Variants in CNIH3 observed in about 807,000 individuals in gnomAD.
CNIH3 encodes the protein cornichon family AMPA receptor auxiliary protein 3.
A neutral mutation model predicts 24.1 loss-of-function variants in CNIH3; 14 were observed. That is an observed-to-expected ratio of 0.58 (90% CI 0.38 to 0.91). The LOEUF (loss-of-function observed/expected upper bound fraction) is 0.91, where lower values mean the gene tolerates loss of function less well. Ranked by LOEUF, CNIH3 falls within the 40% of genes least tolerant of loss-of-function variation. The pLI, the probability that CNIH3 is intolerant of heterozygous loss-of-function variation, is 0.00. For synonymous variants in CNIH3, 68 were observed against 73.8 expected (o/e 0.92, Z 0.40); for missense variants, 178 against 196.8 (o/e 0.90, Z 0.57).
intron 1 of CNIH3, among the ~76,000 whole-genome samples, chr1:224,460,251 T>C (rs528548302): frequency 1.3e-5 from 2 of 152,252 alleles, no homozygotes; most frequent in South Asian, 2.1e-4. Context: ...ATAATTGATA[T>C]ACAATACACT....
chr1:224,576,641 T>C (rs983821024), intron 4 of CNIH3, among the ~76,000 whole-genome samples: 2 of 152,224 alleles, frequency 1.3e-5, no homozygotes, highest in Non-Finnish European at 2.9e-5. Context: ...AACTGAGCCG[T>C]GTAGTATACT....
intron 1 of CNIH3, among the ~76,000 whole-genome samples, chr1:224,495,269 T>C (rs1482458947): frequency 2.0e-5 from 3 of 152,200 alleles, no homozygotes; most frequent in Non-Finnish European, 4.4e-5. Flanking sequence ...TGCCAAGGTA[T>C]TGTCCTTCCT....
At chr1:224,485,014 A>G (rs1572341382) in intron 1 of CNIH3, among the ~76,000 whole-genome samples, 2 of 152,152 alleles carry the variant, frequency 1.3e-5, no homozygotes, top group East Asian at 1.9e-4. Context: ...CTTGGTATCT[A>G]TCTTTGATTG....
chr1:224,676,360 C>CG (rs1003605747), intron 1 of CNIH3, among the ~76,000 whole-genome samples: 21 of 151,220 alleles, frequency 1.4e-4, no homozygotes, highest in African/African-American at 3.2e-4. Flanking sequence ...TGAGACATGG[C>CG]GGGGGGGTGT....
In CNIH3 at chr1:224,505,032, C is replaced by CCCTTCCTCCCTCCCTCCCTTCCTT. The variant is rs1677847926; in HGVS notation, n.204-10702_204-10701insCCCTCCCTCCCTTCCTTCCTTCCT. On this transcript the variant is annotated intron_variant and non_coding_transcript_variant, in intron 1 of 5. Transcript: ENST00000471578. ...TCCCTCCCTCCCTCCCTCCCTCCCT[C>CCCTTCCTCCCTCCCTCCCTTCCTT]CCTTCCTTCCTTCCTTCCTTCCTTC... Among the ~76,000 whole-genome samples the CCCTTCCTCCCTCCCTCCCTTCCTT allele has an allele frequency of 1.9e-3, 89 of 45,880 alleles. 2 individuals carry two copies. The highest frequency in any genetic ancestry group is 8.4e-3 in the African/African-American group (82 of 9,718). The allele number at this position is 45,880 out of a possible 152,430, so 30.1% of individuals were successfully genotyped here.
At chr1:224,614,975 A>ATAAATAAG (rs1553275072), upstream of CNIH3, among the ~76,000 whole-genome samples, 35 of 136,832 alleles carry the variant, frequency 2.6e-4, no homozygotes, top group Admixed American at 4.4e-4. Context: ...AAATAAATAA[A>ATAAATAAG]TAAGTAAAAG....
intron 3 of CNIH3, among the ~76,000 whole-genome samples, chr1:224,721,435 T>C (rs181100826): frequency 4.6e-5 from 7 of 152,220 alleles, no homozygotes; most frequent in African/African-American, 1.7e-4. Flanking sequence ...AAGCTACAAG[T>C]GTTAAGAAGC....
intron 2 of CNIH3, among the ~76,000 whole-genome samples, chr1:224,536,273 A>G (rs1348576883): frequency 2.0e-5 from 3 of 146,614 alleles, no homozygotes; most frequent in Non-Finnish European, 4.5e-5. Flanking sequence ...AATAGCTGCC[A>G]TAATTGTTGT....
At chr1:224,734,815 T>A in intron 5 of CNIH3, 109 bp downstream of exon 5, 3 of 1,121,980 alleles carry the variant, frequency 2.7e-6, no homozygotes, top group Non-Finnish European at 4.0e-6. Context: ...AGGGTGGGAG[T>A]CATGGCCATT....
intron 1 of CNIH3, among the ~76,000 whole-genome samples, chr1:224,468,088 C>T (rs1451501119): frequency 6.6e-6 from 1 of 152,150 alleles, no homozygotes; most frequent in Non-Finnish European, 1.5e-5. Flanking sequence ...GTCTTGATTA[C>T]TGAAGTTATT....
intron 1 of CNIH3, among the ~76,000 whole-genome samples, chr1:224,493,592 G>A (rs1677320396): frequency 6.6e-6 from 1 of 152,150 alleles, no homozygotes; most frequent in African/African-American, 2.4e-5. Context: ...AAGTTGAGAC[G>A]TCCCAATGAG....
intron 2 of CNIH3, among the ~76,000 whole-genome samples, chr1:224,526,015 TTCTC>T (rs1678830746): frequency 6.6e-6 from 1 of 152,220 alleles, no homozygotes; most frequent in East Asian, 1.9e-4. Context: ...CTCTGCGGGG[TTCTC>T]TCTCATCCTC....
chr1:224,537,386 C>T (rs1266854054), downstream of CNIH3: 1 of 152,202 alleles, frequency 6.6e-6, no homozygotes, highest in East Asian at 1.9e-4. Context: ...CTCTACCCAC[C>T]CCTCACATGT....
At chr1:224,674,944 C>T (rs1224635719) in intron 1 of CNIH3, among the ~76,000 whole-genome samples, 3 of 152,180 alleles carry the variant, frequency 2.0e-5, no homozygotes, top group African/African-American at 7.2e-5. Context: ...TACCCCAGAG[C>T]CTCACCCTTG....
At chr1:224,673,708 G>C (rs1477449543) in intron 1 of CNIH3, among the ~76,000 whole-genome samples, 2 of 152,024 alleles carry the variant, frequency 1.3e-5, no homozygotes, top group African/African-American at 4.8e-5. Context: ...CCTTACCCTT[G>C]ATTATAACTT....
intron 1 of CNIH3, among the ~76,000 whole-genome samples, chr1:224,498,091 G>C (rs1350558519): frequency 3.3e-5 from 5 of 152,190 alleles, no homozygotes. Flanking sequence ...TGCAGCAGCA[G>C]TGCCTTCCTG....
intron 4 of CNIH3, among the ~76,000 whole-genome samples, chr1:224,732,753 G>T (rs992426714): frequency 5.9e-5 from 9 of 152,312 alleles, no homozygotes; most frequent in African/African-American, 1.7e-4. Flanking sequence ...GCACTGCTTC[G>T]TGGGGCTAGC....
At chr1:224,596,677 C>T (rs1047303207) in intron 3 of CNIH3, among the ~76,000 whole-genome samples, 1 of 152,164 alleles carries the variant, frequency 6.6e-6, no homozygotes, top group Non-Finnish European at 1.5e-5. Context: ...GTTCCTGGCT[C>T]ATAACTCCCA....
intron 3 of CNIH3, among the ~76,000 whole-genome samples, chr1:224,551,664 T>C (rs934257541): frequency 2.5e-4 from 38 of 152,190 alleles, no homozygotes; most frequent in Middle Eastern, 3.4e-3. Context: ...TTCATTAATA[T>C]CACAGTGTGT....
Sources: gnomAD v4.1 joint callset for allele counts (sites outside exome capture counted in the v4.1 genomes callset) on GRCh38, gnomAD v4.1.1 for gene constraint, MANE v1.5 for transcripts, NCBI Gene and HGNC (gene_info 2026-07-23, HGNC 2026-07-21) for gene names.